Variants in RASSF8 observed in about 807,000 individuals in gnomAD.
RASSF8 encodes Ras association domain family member 8, also known as ras association domain-containing protein 8.
In RASSF8, 22 loss-of-function variants were observed where a neutral mutation model predicts 48.5. The ratio of observed to expected loss-of-function variants is 0.45; its 90% CI spans 0.32 to 0.65. RASSF8 has a LOEUF of 0.65. Ranked by LOEUF, RASSF8 falls within the 30% of genes least tolerant of loss-of-function variation. The probability of loss-of-function intolerance (pLI) is 0.03; values close to 1 mark genes in which losing one functional copy is unlikely to be tolerated. For missense variants in RASSF8, 418 were observed against 489.2 expected, an observed-to-expected ratio of 0.85 and a Z score of 1.37; for synonymous variants, 127 against 171.5, an observed-to-expected ratio of 0.74 and a Z score of 2.03.
intron 1 of RASSF8, among the ~76,000 whole-genome samples, chr12:25,978,857 G>T (rs1941671433): frequency 6.6e-6 from 1 of 152,018 alleles, no homozygotes; most frequent in Non-Finnish European, 1.5e-5. Context: ...TTAATGAAAG[G>T]ATTTCATTAT....
intron 2 of RASSF8, among the ~76,000 whole-genome samples, chr12:26,044,859 T>C (rs933786011): frequency 6.6e-6 from 1 of 151,924 alleles, no homozygotes; most frequent in African/African-American, 2.4e-5. Flanking sequence ...ACAGTATCTC[T>C]TTAAAGAGAA....
intron 2 of RASSF8, among the ~76,000 whole-genome samples, chr12:26,010,066 C>T (rs535083698): frequency 2.6e-5 from 4 of 152,286 alleles, no homozygotes; most frequent in African/African-American, 9.6e-5. Context: ...GGTCCTGCCC[C>T]TGCAGTAGTA....
chr12:26,076,835 G>A (rs140698001), downstream of RASSF8, among the ~76,000 whole-genome samples: 37 of 152,106 alleles, frequency 2.4e-4, no homozygotes, highest in Non-Finnish European at 4.0e-4. Flanking sequence ...TTAAGGAATC[G>A]CCACACTGTC....
intron 1 of RASSF8, among the ~76,000 whole-genome samples, chr12:25,965,363 C>CTTTTTTTTTTTTTTTTTTTTTTTTTTTT (rs11420016): frequency 8.6e-6 from 1 of 116,892 alleles, no homozygotes; most frequent in Non-Finnish European, 1.7e-5. Context: ...TCCCAAATTT[C>CTTTTTTTTTTTTTTTTTTTTTTTTTTTT]TTTTTTTTTT....
intron 2 of RASSF8, among the ~76,000 whole-genome samples, chr12:26,011,112 A>G (rs1942512994): frequency 6.6e-6 from 1 of 152,222 alleles, no homozygotes; most frequent in South Asian, 2.1e-4. Flanking sequence ...ATTAGAAACC[A>G]CAGGAACCCT....
At position 26,022,490 on chromosome 12, in the gene RASSF8, C is replaced by G. The variant is rs1226817183; in HGVS notation, c.-109+27360C>G. ...GAAACAGGAAAGTGTGCCCCATACA[C>G]AAGAAAAACAGTAAACAACAAATTA... On this transcript the variant is annotated intron_variant, in intron 2 of 5. Transcript: ENST00000689635. 2.6e-5 allele frequency among the ~76,000 whole-genome samples: 4 copies of G among 151,970 alleles called. No homozygotes were observed. In the East Asian group the frequency reaches 7.7e-4, roughly 29 times the overall value.
intron 2 of RASSF8, among the ~76,000 whole-genome samples, chr12:25,997,123 T>A (rs1942151945): frequency 6.6e-6 from 1 of 152,214 alleles, no homozygotes; most frequent in Admixed American, 6.5e-5. Context: ...GAGATACCTT[T>A]GTTAGGCTGT....
chr12:25,968,436 G>T (rs894072954), intron 1 of RASSF8, among the ~76,000 whole-genome samples: 1 of 152,058 alleles, frequency 6.6e-6, no homozygotes, highest in African/African-American at 2.4e-5. Context: ...CCCGCCTCCC[G>T]GGCTCAACCA....
At chr12:26,032,765 G>A (rs549842773) in intron 2 of RASSF8, among the ~76,000 whole-genome samples, 5 of 152,254 alleles carry the variant, frequency 3.3e-5, no homozygotes, top group Non-Finnish European at 5.9e-5. Flanking sequence ...ATGGGAATAT[G>A]AGCTGAGAAA....
At chr12:26,048,132 T>G (rs1943411797) in intron 2 of RASSF8, among the ~76,000 whole-genome samples, 1 of 152,150 alleles carries the variant, frequency 6.6e-6, no homozygotes, top group African/African-American at 2.4e-5. Flanking sequence ...TTGAGCCGGG[T>G]TGACTTATAT....
At chr12:26,003,686 G>T (rs557002678) in intron 2 of RASSF8, among the ~76,000 whole-genome samples, 5 of 152,084 alleles carry the variant, frequency 3.3e-5, no homozygotes, top group African/African-American at 1.2e-4. Context: ...TCTCCAAGTG[G>T]TAGAACTATA....
intron 2 of RASSF8, among the ~76,000 whole-genome samples, chr12:26,021,962 T>G (rs2137067107): frequency 6.6e-6 from 1 of 152,266 alleles, no homozygotes; most frequent in East Asian, 1.9e-4. Flanking sequence ...TTAAGAGCAG[T>G]AGGCTAAACA....
chr12:25,985,053 G>C (rs1182174224), intron 1 of RASSF8, among the ~76,000 whole-genome samples: 3 of 152,172 alleles, frequency 2.0e-5, no homozygotes, highest in Non-Finnish European at 4.4e-5. Context: ...TTCAGATGCA[G>C]ATTCACACGC....
rs1943173575 is a variant in RASSF8 at position 26,037,275 on chromosome 12, T to C, written c.-108-17961T>C. Among the ~76,000 whole-genome samples, 3 of 152,332 alleles carry C rather than the reference T, an allele frequency of 2.0e-5. No homozygotes were observed. The South Asian group carries it at 6.2e-4, about 32-fold the overall frequency. On this transcript the variant is annotated intron_variant, in intron 2 of 5. Coordinates refer to ENST00000689635, the MANE Select transcript of RASSF8 (RefSeq NM_001394098.1). ...CTTCCTTATCACCATGGTCCAGATA[T>C]TTTAAGCAATATCAGTGATAAGATA...
intron 3 of RASSF8, among the ~76,000 whole-genome samples, chr12:26,055,893 A>C (rs2137244839): frequency 6.6e-6 from 1 of 152,328 alleles, no homozygotes; most frequent in South Asian, 2.1e-4. Flanking sequence ...TACTTTTAAA[A>C]TCTTATGATT....
intron 2 of RASSF8, among the ~76,000 whole-genome samples, chr12:26,053,867 G>C (rs1943546359): frequency 1.3e-5 from 2 of 152,314 alleles, no homozygotes; most frequent in South Asian, 4.1e-4. Flanking sequence ...CTTCTCTGGA[G>C]AAAATAATTA....
intron 2 of RASSF8, among the ~76,000 whole-genome samples, chr12:26,049,538 G>T (rs2137205556): frequency 6.6e-6 from 1 of 152,276 alleles, no homozygotes; most frequent in South Asian, 2.1e-4. Context: ...GATTTCCAAT[G>T]CTGTTTTATG....
At chr12:25,969,157 G>GT in intron 1 of RASSF8, among the ~76,000 whole-genome samples, 1 of 152,300 alleles carries the variant, frequency 6.6e-6, no homozygotes, top group Non-Finnish European at 1.5e-5. Context: ...AAGGATCTTG[G>GT]TTTTGACTCT....
At chr12:26,044,743 A>T (rs1352005398) in intron 2 of RASSF8, among the ~76,000 whole-genome samples, 2 of 152,178 alleles carry the variant, frequency 1.3e-5, no homozygotes, top group Non-Finnish European at 2.9e-5. Flanking sequence ...CACATCTTAA[A>T]CTTAGTATCT....
Sources: allele counts gnomAD v4.1 joint callset (sites outside exome capture counted in the v4.1 genomes callset), GRCh38; gene constraint gnomAD v4.1.1; transcripts MANE v1.5; gene names NCBI Gene and HGNC (gene_info 2026-07-23, HGNC 2026-07-21).